The following TNNI3K variants were observed in gnomAD, a reference collection of about 807,000 sequenced individuals.
TNNI3K encodes the protein TNNI3 interacting kinase.
A neutral mutation model predicts 114.5 loss-of-function variants in TNNI3K; 140 were observed. The ratio of observed to expected loss-of-function variants is 1.22; its 90% CI spans 1.07 to 1.41. The LOEUF (loss-of-function observed/expected upper bound fraction) is 1.41. Among genes scored for constraint, TNNI3K ranks in the 40% most tolerant of loss-of-function variants. The pLI is 0.00. For synonymous variants in TNNI3K, 347 were observed against 347.5 expected (o/e 1.00, Z 0.02); for missense variants, 1,125 against 1,007.6 (o/e 1.12, Z -1.58).
chr1:74,523,382 T>A (rs1411025037), intron 23 of TNNI3K, among the ~76,000 whole-genome samples: 1 of 152,166 alleles, frequency 6.6e-6, no homozygotes, highest in Non-Finnish European at 1.5e-5. Flanking sequence ...AACAAGCAAT[T>A]TTTTTTCCTT....
chr1:74,501,270 A>G (rs190990339), intron 23 of TNNI3K, among the ~76,000 whole-genome samples: 2 of 152,238 alleles, frequency 1.3e-5, no homozygotes, highest in East Asian at 3.9e-4. Flanking sequence ...TACTTTGTTC[A>G]TTGCATTTCT....
intron 17 of TNNI3K, among the ~76,000 whole-genome samples, chr1:74,381,565 A>C (rs2100549229): frequency 6.6e-6 from 1 of 152,196 alleles, no homozygotes; most frequent in African/African-American, 2.4e-5. Context: ...TGCCCTAAAG[A>C]TCTGGGAAAT....
chr1:74,295,346 C>A (rs1486505188), intron 5 of TNNI3K, among the ~76,000 whole-genome samples: 1 of 152,118 alleles, frequency 6.6e-6, no homozygotes, highest in African/African-American at 2.4e-5. Flanking sequence ...TCAGTTCCTG[C>A]TTTAGTTCCC....
chr1:74,441,163 G>A (rs1201852522), intron 20 of TNNI3K, among the ~76,000 whole-genome samples: 1 of 151,976 alleles, frequency 6.6e-6, no homozygotes, highest in Non-Finnish European at 1.5e-5. Context: ...AATATATACA[G>A]CTGTATAACC....
At chr1:74,294,049 C>A (rs910720569) in intron 5 of TNNI3K, among the ~76,000 whole-genome samples, 4 of 151,612 alleles carry the variant, frequency 2.6e-5, no homozygotes, top group Admixed American at 6.6e-5. Context: ...CTTTTTCTGA[C>A]ATGTCATTTT....
chr1:74,497,643 C>A (rs1669397849), intron 23 of TNNI3K, among the ~76,000 whole-genome samples: 1 of 151,712 alleles, frequency 6.6e-6, no homozygotes, highest in African/African-American at 2.4e-5. Flanking sequence ...CAATTGAACC[C>A]CAGATCATTT....
At chr1:74,430,822 C>T (rs1665862573) in intron 17 of TNNI3K, among the ~76,000 whole-genome samples, 1 of 152,038 alleles carries the variant, frequency 6.6e-6, no homozygotes, top group South Asian at 2.1e-4. Flanking sequence ...AAGTGAAACA[C>T]CGTCATTCAA....
intron 5 of TNNI3K, among the ~76,000 whole-genome samples, chr1:74,288,250 T>C (rs1468205674): frequency 1.3e-5 from 2 of 152,242 alleles, no homozygotes; most frequent in East Asian, 1.9e-4. Flanking sequence ...ATTGAAGATA[T>C]ATCTGCATTC....
At chr1:74,291,411 T>A (rs1324027896) in intron 5 of TNNI3K, among the ~76,000 whole-genome samples, 1 of 151,616 alleles carries the variant, frequency 6.6e-6, no homozygotes, top group Non-Finnish European at 1.5e-5. Flanking sequence ...CATAGCCACA[T>A]AATATATGTT....
intron 17 of TNNI3K, among the ~76,000 whole-genome samples, chr1:74,405,918 A>G (rs892130776): frequency 1.3e-5 from 2 of 152,226 alleles, no homozygotes; most frequent in Non-Finnish European, 2.9e-5. Flanking sequence ...TTCACGTATT[A>G]GGTTTTCCTT....
chr1:74,525,497 G>A (rs1002064187), intron 23 of TNNI3K, among the ~76,000 whole-genome samples: 1 of 152,124 alleles, frequency 6.6e-6, no homozygotes, highest in African/African-American at 2.4e-5. Flanking sequence ...ATAGAACATT[G>A]AATCTGAGAG....
intron 23 of TNNI3K, among the ~76,000 whole-genome samples, chr1:74,525,379 A>G (rs1398908068): frequency 6.6e-6 from 1 of 152,140 alleles, no homozygotes; most frequent in African/African-American, 2.4e-5. Flanking sequence ...AGGCACAGGA[A>G]GGTAAAAAAT....
chr1:74,262,518 A>G (rs1655739037), intron 4 of TNNI3K, among the ~76,000 whole-genome samples: 1 of 152,042 alleles, frequency 6.6e-6, no homozygotes, highest in African/African-American at 2.4e-5. Context: ...ATTTGACAAG[A>G]TAGTAATAAG....
chr1:74,490,203 T>A (rs140814803), intron 22 of TNNI3K, among the ~76,000 whole-genome samples: 1 of 152,152 alleles, frequency 6.6e-6, no homozygotes, highest in Non-Finnish European at 1.5e-5. Flanking sequence ...AAAAGAAGCT[T>A]CAGTGTTTAG....
At chr1:74,447,320 A>G (rs1260348459) in intron 20 of TNNI3K, among the ~76,000 whole-genome samples, 2 of 150,002 alleles carry the variant, frequency 1.3e-5, no homozygotes, top group South Asian at 4.2e-4. Context: ...ATGGGAGTTC[A>G]CTCATGATTT....
intron 11 of TNNI3K, among the ~76,000 whole-genome samples, chr1:74,361,692 A>G (rs1259286595): frequency 6.6e-6 from 1 of 152,128 alleles, no homozygotes; most frequent in East Asian, 1.9e-4. Context: ...AGGAAATGCA[A>G]TGGTGAACAC....
At chr1:74,483,450 A>C (rs1668601106) in intron 21 of TNNI3K, 2 of 641,554 alleles carry the variant, frequency 3.1e-6, no homozygotes, top group Admixed American at 4.6e-5. Context: ...CATACAGGTC[A>C]TGAGGCATTT....
chr1:74,372,092 G>T (rs986864647), intron 17 of TNNI3K: 2 of 135,260 alleles, frequency 1.5e-5, no homozygotes, highest in East Asian at 2.2e-4. Flanking sequence ...TAGTTTTTAA[G>T]AAAAAAAAAA....
chr1:74,475,451 G>A (rs1422973763), intron 21 of TNNI3K: 1 of 717,016 alleles, frequency 1.4e-6, no homozygotes, highest in Non-Finnish European at 2.6e-6. Context: ...CATTCCGAAT[G>A]CAGCAATCTA....
Sources: gnomAD v4.1 joint callset for allele counts (sites outside exome capture counted in the v4.1 genomes callset) on GRCh38, gnomAD v4.1.1 for gene constraint, MANE v1.5 for transcripts, NCBI Gene and HGNC (gene_info 2026-07-23, HGNC 2026-07-21) for gene names.